NCAM2: variants seen among roughly 807,000 people sequenced by gnomAD.
NCAM2 encodes N-CAM-2.
Under a neutral mutation model 98.1 loss-of-function variants are expected in NCAM2, and 30 were observed. That is an observed-to-expected ratio of 0.31 (90% CI 0.23 to 0.41). The LOEUF is 0.41. NCAM2 is among the 10% of genes least tolerant of loss of function. NCAM2 has a pLI of 1.00. For missense variants in NCAM2, 867 were observed against 1,005.8 expected (o/e 0.86, Z 1.87); for synonymous variants, 368 against 342.4 (o/e 1.07, Z -0.83).
At chr21:21,091,718 A>G (rs548490500) in intron 1 of NCAM2, among the ~76,000 whole-genome samples, 102 of 152,260 alleles carry the variant, frequency 6.7e-4, no homozygotes, top group Middle Eastern at 3.4e-3. Context: ...ACTGTACAAT[A>G]CTTTCAAGTA....
intron 8 of NCAM2, among the ~76,000 whole-genome samples, chr21:21,353,977 T>C (rs1364385243): frequency 6.6e-6 from 1 of 152,182 alleles, no homozygotes; most frequent in Non-Finnish European, 1.5e-5. Context: ...ATGTTACTTG[T>C]CAATTTTAGT....
intron 1 of NCAM2, among the ~76,000 whole-genome samples, chr21:21,000,156 G>A (rs2063992610): frequency 6.6e-6 from 1 of 152,162 alleles, no homozygotes; most frequent in Non-Finnish European, 1.5e-5. Context: ...CTACAGATAT[G>A]CTTCTTTAAT....
At chr21:21,250,245 A>G (rs2071422536) in intron 1 of NCAM2, among the ~76,000 whole-genome samples, 1 of 152,214 alleles carries the variant, frequency 6.6e-6, no homozygotes, top group Non-Finnish European at 1.5e-5. Flanking sequence ...TGCTAGAAAA[A>G]ATTGTATTTG....
At chr21:21,320,541 T>C (rs1414210645) in intron 5 of NCAM2, among the ~76,000 whole-genome samples, 1 of 74,544 alleles carries the variant, frequency 1.3e-5, no homozygotes, top group East Asian at 5.0e-4. Flanking sequence ...TGTTAGATCA[T>C]ATTACAGCAT....
intron 9 of NCAM2, among the ~76,000 whole-genome samples, chr21:21,377,538 G>C (rs1427225855): frequency 6.6e-6 from 1 of 151,794 alleles, no homozygotes; most frequent in East Asian, 1.9e-4. Flanking sequence ...CAAATGTGAT[G>C]CTTTTAAAAA....
chr21:21,216,163 A>C (rs1461178730), intron 1 of NCAM2, among the ~76,000 whole-genome samples: 1 of 152,170 alleles, frequency 6.6e-6, no homozygotes, highest in Non-Finnish European at 1.5e-5. Context: ...TGTGCCAGGC[A>C]CTATTCTGGG....
At chr21:21,114,640 G>T (rs999188740) in intron 1 of NCAM2, among the ~76,000 whole-genome samples, 2 of 152,128 alleles carry the variant, frequency 1.3e-5, no homozygotes, top group African/African-American at 4.8e-5. Flanking sequence ...TACAAAAGTG[G>T]TTCCCAACAG....
intron 12 of NCAM2, among the ~76,000 whole-genome samples, chr21:21,457,162 A>T (rs1247798176): frequency 1.3e-5 from 2 of 150,882 alleles, no homozygotes; most frequent in Non-Finnish European, 3.0e-5. Context: ...CTATTAAGGG[A>T]AATTCTTGTG....
intron 1 of NCAM2, among the ~76,000 whole-genome samples, chr21:21,250,684 A>C (rs2071437400): frequency 6.6e-6 from 1 of 152,232 alleles, no homozygotes; most frequent in African/African-American, 2.4e-5. Context: ...TGGGACAAAC[A>C]AAACATTTCT....
At chr21:21,430,734 A>G (rs2077317075) in intron 11 of NCAM2, among the ~76,000 whole-genome samples, 2 of 151,956 alleles carry the variant, frequency 1.3e-5, no homozygotes, top group Non-Finnish European at 1.5e-5. Flanking sequence ...CCCTTGACAC[A>G]TGGGGATTAT....
At chr21:21,184,306 T>TATAAA (rs1051527945) in intron 1 of NCAM2, among the ~76,000 whole-genome samples, 2 of 151,624 alleles carry the variant, frequency 1.3e-5, no homozygotes, top group African/African-American at 4.8e-5. Flanking sequence ...AGTTGGGATT[T>TATAAA]ATAAAATAAA....
chr21:21,530,054 A>T (rs1989540161), intron 16 of NCAM2, among the ~76,000 whole-genome samples: 1 of 144,426 alleles, frequency 6.9e-6, no homozygotes, highest in Non-Finnish European at 1.5e-5. Context: ...ATTAAATAAA[A>T]ATATATATAC....
chr21:21,509,572 A>G (rs1490128797), intron 16 of NCAM2, among the ~76,000 whole-genome samples: 1 of 152,180 alleles, frequency 6.6e-6, no homozygotes, highest in Non-Finnish European at 1.5e-5. Context: ...GATTCTGAAT[A>G]TACTATTCTA....
chr21:21,378,968 T>C (rs1449691192), intron 9 of NCAM2, among the ~76,000 whole-genome samples: 2 of 152,102 alleles, frequency 1.3e-5, no homozygotes, highest in African/African-American at 4.8e-5. Flanking sequence ...GGTTCGTGTT[T>C]TTTCTGAAAA....
At chr21:21,014,878 A>G (rs1209969503) in intron 1 of NCAM2, among the ~76,000 whole-genome samples, 1 of 152,218 alleles carries the variant, frequency 6.6e-6, no homozygotes, top group African/African-American at 2.4e-5. Context: ...AGGAGGTCAC[A>G]TGTCAACATT....
intron 15 of NCAM2, among the ~76,000 whole-genome samples, chr21:21,483,683 T>C (rs1986095017): frequency 6.6e-6 from 1 of 152,124 alleles, no homozygotes; most frequent in African/African-American, 2.4e-5. Context: ...AACTTCATCT[T>C]AACCCTCTGG....
intron 1 of NCAM2, among the ~76,000 whole-genome samples, chr21:21,279,131 G>A (rs1335219992): frequency 1.3e-5 from 2 of 152,130 alleles, no homozygotes; most frequent in African/African-American, 2.4e-5. Flanking sequence ...ACGTGAGACT[G>A]CTTTTTAGTT....
At chr21:21,075,740 C>T (rs535327488) in intron 1 of NCAM2, among the ~76,000 whole-genome samples, 2 of 151,886 alleles carry the variant, frequency 1.3e-5, no homozygotes, top group East Asian at 3.9e-4. Context: ...ACATTTATTT[C>T]CTGGGTATGT....
intron 1 of NCAM2, among the ~76,000 whole-genome samples, chr21:21,036,781 A>C (rs143877222): frequency 6.6e-6 from 1 of 152,286 alleles, no homozygotes; most frequent in Non-Finnish European, 1.5e-5. Flanking sequence ...TATGCAGACG[A>C]TAGTATTTCA....
Sources: allele counts gnomAD v4.1 joint callset (sites outside exome capture counted in the v4.1 genomes callset), GRCh38; gene constraint gnomAD v4.1.1; transcripts MANE v1.5; gene names NCBI Gene and HGNC (gene_info 2026-07-23, HGNC 2026-07-21).